The following SYNE1 variants were observed in gnomAD, a reference collection of about 807,000 sequenced individuals.
SYNE1 encodes nesprin-1.
In SYNE1, 616 loss-of-function variants were observed where a neutral mutation model predicts 1,111.0. That is an observed-to-expected ratio of 0.55 (90% CI 0.52 to 0.59). SYNE1 has a LOEUF of 0.59. SYNE1 is among the 20% of genes least tolerant of loss of function. SYNE1 has a pLI of 0.00. For synonymous variants in SYNE1, 3,855 were observed against 3,825.8 expected, an observed-to-expected ratio of 1.01 and a Z score of -0.28; for missense variants, 10,006 against 10,417.0, an observed-to-expected ratio of 0.96 and a Z score of 1.72.
chr6:152,586,406 C>G (rs1196570878), intron 3 of SYNE1, among the ~76,000 whole-genome samples: 2 of 152,114 alleles, frequency 1.3e-5, no homozygotes. Flanking sequence ...TATAATTTCT[C>G]CGCATTTGAT....
intron 25 of SYNE1, among the ~76,000 whole-genome samples, chr6:152,451,514 G>A (rs1370709952): frequency 4.3e-5 from 5 of 116,550 alleles, no homozygotes; most frequent in South Asian, 2.8e-4. Flanking sequence ...ATGGAGTCTC[G>A]CTCTGTCGCC....
intron 130 of SYNE1, 40 bp downstream of exon 130, chr6:152,176,354 T>C: frequency 6.2e-7 from 1 of 1,613,080 alleles, no homozygotes; most frequent in Non-Finnish European, 8.5e-7. Context: ...GGCTTTAAAA[T>C]ACTGCCCACA....
chr6:152,255,310 A>T (rs1337033194), intron 103 of SYNE1, among the ~76,000 whole-genome samples: 1 of 152,182 alleles, frequency 6.6e-6, no homozygotes, highest in African/African-American at 2.4e-5. Flanking sequence ...GTAAAGTGCT[A>T]TTTAGGAATT....
At chr6:152,591,700 A>G (rs1208426730) in intron 3 of SYNE1, among the ~76,000 whole-genome samples, 1 of 152,208 alleles carries the variant, frequency 6.6e-6, no homozygotes, top group African/African-American at 2.4e-5. Context: ...CAGCAAAAGA[A>G]TCTATCAACA....
intron 9 of SYNE1, among the ~76,000 whole-genome samples, chr6:152,503,171 T>G (rs1400695681): frequency 6.6e-6 from 1 of 152,144 alleles, no homozygotes; most frequent in Non-Finnish European, 1.5e-5. Flanking sequence ...AGTGTGACAC[T>G]GAATGACATA....
At chr6:152,125,387 A>T (rs1257179602) in intron 145 of SYNE1, 2 of 1,536,716 alleles carry the variant, frequency 1.3e-6, no homozygotes, top group Non-Finnish European at 1.8e-6. Flanking sequence ...CCTGCAGATC[A>T]TCAAATCCGT....
chr6:152,510,902 G>T, intron 7 of SYNE1, 109 bp downstream of exon 7: 1 of 1,005,444 alleles, frequency 9.9e-7, no homozygotes, highest in Non-Finnish European at 1.6e-6. Flanking sequence ...TTTCTGCTAA[G>T]TTAAGGATCA....
At chr6:152,322,715 G>A (rs1248174093) in intron 82 of SYNE1, among the ~76,000 whole-genome samples, 19 of 152,084 alleles carry the variant, frequency 1.2e-4, no homozygotes, top group Admixed American at 1.2e-3. Flanking sequence ...CACCCAAGGA[G>A]CTCCTTGAAA....
chr6:152,532,233 T>G (rs190420865), intron 4 of SYNE1, among the ~76,000 whole-genome samples: 35 of 152,302 alleles, frequency 2.3e-4, no homozygotes, highest in Non-Finnish European at 1.5e-5. Context: ...AAGTAGATTT[T>G]CAGTATTAAT....
At chr6:152,364,774 A>G (rs777358872) in intron 63 of SYNE1, 73 bp downstream of exon 63, 143 of 1,590,362 alleles carry the variant, frequency 9.0e-5, no homozygotes, top group Non-Finnish European at 1.1e-4. Context: ...GGCCACAGGA[A>G]TGGTCTGTTC....
intron 97 of SYNE1, among the ~76,000 whole-genome samples, chr6:152,278,608 G>A (rs777483980): frequency 7.4e-4 from 113 of 151,992 alleles, no homozygotes; most frequent in Non-Finnish European, 1.1e-3. Context: ...GACTACAGGC[G>A]CCCACCACTA....
intron 17 of SYNE1, 82 bp from the exon 18 acceptor site, chr6:152,465,542 G>A: frequency 1.6e-6 from 2 of 1,234,686 alleles, no homozygotes; most frequent in Non-Finnish European, 1.2e-6. Context: ...TTATACATTG[G>A]TGTGCAATAG....
chr6:152,580,504 CT>C (rs768946259), intron 3 of SYNE1, among the ~76,000 whole-genome samples: 4 of 152,228 alleles, frequency 2.6e-5, no homozygotes, highest in Non-Finnish European at 4.4e-5. Context: ...TATGCAGAAG[CT>C]TTTTAGTTTA....
Position 152,284,257 on chromosome 6 carries a change from G to C in SYNE1, c.18013-85C>G, listed in dbSNP as rs2094195343. ...GCACTAGCTGAGTCTCACATCCATT[G>C]GGATTAGCGGAAGAGATTTCACCTG... is the stretch of plus-strand genomic sequence containing the variant. On this transcript the variant is annotated intron_variant, in intron 95 of 145. Coordinates refer to ENST00000367255, the MANE Select transcript of SYNE1 (RefSeq NM_182961.4). The C allele has an allele frequency of 2.9e-6, 4 of 1,369,252 alleles. No individual in the cohort carries two copies. In the South Asian group the frequency reaches 4.9e-5, roughly 17 times the overall value. 84.8% of individuals were successfully genotyped at this position (1,369,252 alleles called of 1,614,324 possible). A position where few individuals can be genotyped will look rare whatever the true frequency, so the allele number is the denominator to read the frequency against.
intron 50 of SYNE1, among the ~76,000 whole-genome samples, chr6:152,396,548 C>G (rs1241616731): frequency 3.3e-5 from 5 of 152,036 alleles, no homozygotes; most frequent in Non-Finnish European, 4.4e-5. Flanking sequence ...TTTTCAGTTA[C>G]TAGTAAATAT....
intron 3 of SYNE1, among the ~76,000 whole-genome samples, chr6:152,564,631 T>A (rs2099405838): frequency 6.6e-6 from 1 of 152,130 alleles, no homozygotes; most frequent in Admixed American, 6.6e-5. Flanking sequence ...ACGTTTATTA[T>A]AACATCAAAT....
intron 3 of SYNE1, chr6:152,545,901 C>T (rs532864308): frequency 6.6e-6 from 1 of 152,184 alleles, no homozygotes; most frequent in African/African-American, 2.4e-5. Flanking sequence ...CTGGTAGTAT[C>T]TAATAAAGAT....
chr6:152,208,516 C>T (rs1035691688), intron 124 of SYNE1, among the ~76,000 whole-genome samples: 2 of 152,120 alleles, frequency 1.3e-5, no homozygotes, highest in Non-Finnish European at 2.9e-5. Context: ...TGGACAGCTG[C>T]AGGTGCAACG....
At chr6:152,329,623 G>T in intron 78 of SYNE1, 107 bp downstream of exon 78, 1 of 1,422,596 alleles carries the variant, frequency 7.0e-7, no homozygotes, top group Non-Finnish European at 9.8e-7. Flanking sequence ...GTAGTATTTC[G>T]AAAGAAATAT....
Sources: allele counts gnomAD v4.1 joint callset (sites outside exome capture counted in the v4.1 genomes callset), GRCh38; gene constraint gnomAD v4.1.1; transcripts MANE v1.5; gene names NCBI Gene and HGNC (gene_info 2026-07-23, HGNC 2026-07-21).